GRHL2: variants seen among roughly 807,000 people sequenced by gnomAD.
GRHL2 encodes the protein grainyhead like transcription factor 2, also known as grainyhead-like protein 2 homolog.
In GRHL2, 21 loss-of-function variants were observed where a neutral mutation model predicts 83.8. That is an observed-to-expected ratio of 0.25 (90% CI 0.18 to 0.36). GRHL2 has a LOEUF of 0.36. GRHL2 is among the 10% of genes least tolerant of loss of function. The probability of loss-of-function intolerance (pLI) is 1.00; values close to 1 mark genes in which losing one functional copy is unlikely to be tolerated. For synonymous variants in GRHL2, 280 were observed against 278.9 expected (o/e 1.00, Z -0.04); for missense variants, 623 against 781.8 (o/e 0.80, Z 2.42).
Position 101,667,530 on chromosome 8 carries a change from A to G in GRHL2, c.*827A>G, listed in dbSNP as rs1814098157. 6.6e-6 allele frequency: 1 copy of G among 152,606 alleles called. No homozygotes were observed. The allele number at this position is 152,606 out of a possible 1,614,324, so 9.5% of individuals were successfully genotyped here. On this transcript the variant is annotated 3_prime_UTR_variant, in exon 16 of 16. Transcript: ENST00000646743. ...GTTAAGGTGACTGCAGCTGATGCCA[A>G]GATGGACTCTGCAATGGGCATACCT...
chr8:101,637,379 T>C (rs1177898812), intron 12 of GRHL2, among the ~76,000 whole-genome samples: 3 of 152,192 alleles, frequency 2.0e-5, no homozygotes, highest in Non-Finnish European at 2.9e-5. Context: ...CAAAGCCCTG[T>C]CCCTGAGAAG....
chr8:101,611,120 A>G (rs1258656074), intron 8 of GRHL2, among the ~76,000 whole-genome samples: 2 of 150,988 alleles, frequency 1.3e-5, no homozygotes, highest in African/African-American at 5.0e-5. Context: ...AGTTGTTTAC[A>G]TACTTCCCCA....
At chr8:101,619,818 A>G (rs1586149482) in intron 9 of GRHL2, 121 bp downstream of exon 9, 2 of 724,964 alleles carry the variant, frequency 2.8e-6, no homozygotes, top group African/African-American at 1.8e-5. Context: ...TTTACTCATC[A>G]CAGTGGGAGT....
At chr8:101,630,286 AAACAAAAAATATATCTC>A (rs1813160012) in intron 9 of GRHL2, among the ~76,000 whole-genome samples, 1 of 152,156 alleles carries the variant, frequency 6.6e-6, no homozygotes, top group South Asian at 2.1e-4. Context: ...CCAATTTGAT[AAACAAAAAATATATCTC>A]ATTGTTTTGT....
At chr8:101,657,826 C>T (rs572839073) in intron 14 of GRHL2, among the ~76,000 whole-genome samples, 93 of 121,804 alleles carry the variant, frequency 7.6e-4, no homozygotes, top group African/African-American at 3.1e-3. Context: ...GGCGACAGAG[C>T]GAAACAAAAA....
At chr8:101,650,804 A>ATATCTATCTATCTATC (rs59979330) in intron 14 of GRHL2, among the ~76,000 whole-genome samples, 2,818 of 145,952 alleles carry the variant, frequency 0.019, 52 homozygotes, top group African/African-American at 0.042. Context: ...GTGAATTGTG[A>ATATCTATCTATCTATC]TATCTATCTA....
At chr8:101,645,484 A>ATT (rs1471260304) in intron 13 of GRHL2, among the ~76,000 whole-genome samples, 1 of 151,804 alleles carries the variant, frequency 6.6e-6, no homozygotes, top group South Asian at 2.1e-4. Context: ...GAGAAATTTT[A>ATT]TTTTTTTCCT....
intron 1 of GRHL2, among the ~76,000 whole-genome samples, chr8:101,507,686 T>C (rs1398191975): frequency 1.3e-5 from 2 of 151,860 alleles, no homozygotes; most frequent in African/African-American, 4.8e-5. Context: ...GGTAAAAATA[T>C]CCAAATTAAC....
At chr8:101,601,188 A>C (rs374021936) in intron 8 of GRHL2, among the ~76,000 whole-genome samples, 388 of 149,122 alleles carry the variant, frequency 2.6e-3, no homozygotes, top group Non-Finnish European at 4.3e-3. Flanking sequence ...ACACACACAC[A>C]CCCCACCACC....
chr8:101,539,382 G>C (rs944073147), intron 1 of GRHL2, among the ~76,000 whole-genome samples: 1 of 152,118 alleles, frequency 6.6e-6, no homozygotes, highest in African/African-American at 2.4e-5. Flanking sequence ...CATGGGCAAC[G>C]ACTGAGGTTC....
intron 11 of GRHL2, among the ~76,000 whole-genome samples, chr8:101,633,148 G>A (rs909196603): frequency 6.6e-6 from 1 of 152,130 alleles, no homozygotes; most frequent in Non-Finnish European, 1.5e-5. Context: ...ACTTTTTACA[G>A]GGTTATGAGA....
intron 7 of GRHL2, among the ~76,000 whole-genome samples, chr8:101,582,218 A>G (rs999039613): frequency 1.8e-4 from 26 of 140,618 alleles, no homozygotes; most frequent in African/African-American, 6.9e-4. Context: ...ACCCTGAGCA[A>G]CAGAGCAAGA....
chr8:101,652,265 G>T (rs765081265), intron 14 of GRHL2, among the ~76,000 whole-genome samples: 5 of 151,694 alleles, frequency 3.3e-5, no homozygotes, highest in Admixed American at 6.6e-5. Flanking sequence ...TACACAATAT[G>T]ACATATTATA....
intron 14 of GRHL2, among the ~76,000 whole-genome samples, chr8:101,660,154 T>C (rs561966441): frequency 6.6e-6 from 1 of 152,386 alleles, no homozygotes; most frequent in East Asian, 1.9e-4. Flanking sequence ...GCAAAAGTTA[T>C]TACATCTGTA....
chr8:101,615,553 A>C (rs1346327552), intron 8 of GRHL2, among the ~76,000 whole-genome samples: 4 of 152,228 alleles, frequency 2.6e-5, no homozygotes, highest in Admixed American at 2.6e-4. Context: ...ACCAGCAGGA[A>C]GATCTCTATG....
At chr8:101,633,439 G>C (rs1338312543) in intron 11 of GRHL2, among the ~76,000 whole-genome samples, 2 of 152,168 alleles carry the variant, frequency 1.3e-5, no homozygotes, top group African/African-American at 2.4e-5. Context: ...CCTTGGTGTA[G>C]AAAGAGAAAT....
chr8:101,627,402 C>T (rs1248664809), intron 9 of GRHL2, among the ~76,000 whole-genome samples: 1 of 152,006 alleles, frequency 6.6e-6, no homozygotes, highest in Non-Finnish European at 1.5e-5. Flanking sequence ...TTTTGGGGCA[C>T]CTCCAACTGC....
At position 101,669,450 on chromosome 8, in the gene GRHL2, TAAATC is replaced by T. The variant is rs1814161186; in HGVS notation, c.*2752_*2756del. The T allele has an allele frequency of 6.6e-6, 1 of 152,630 alleles. No individual in the cohort carries two copies. Among genetic ancestry groups the T allele is most frequent in the East Asian group, 1.9e-4 (1 of 5,188 alleles). The allele number at this position is 152,630 out of a possible 1,614,324, so 9.5% of individuals were successfully genotyped here. On this transcript the variant is annotated 3_prime_UTR_variant, in exon 16 of 16. Coordinates refer to ENST00000646743, the MANE Select transcript of GRHL2 (RefSeq NM_024915.4). ...GCCCAGAAACTTAGGAAGCATGAAA[TAAATC>T]AAATGTTTATTTTCCTTCTTATTTA...
intron 1 of GRHL2, among the ~76,000 whole-genome samples, chr8:101,496,726 G>A (rs1396907916): frequency 6.6e-6 from 1 of 152,184 alleles, no homozygotes; most frequent in African/African-American, 2.4e-5. Context: ...GGTGATCATG[G>A]ACAGCTTCTC....
Sources: gnomAD v4.1 joint callset for allele counts (sites outside exome capture counted in the v4.1 genomes callset) on GRCh38, gnomAD v4.1.1 for gene constraint, MANE v1.5 for transcripts, NCBI Gene and HGNC (gene_info 2026-07-23, HGNC 2026-07-21) for gene names.